Variants in DENND11 observed in about 807,000 individuals in gnomAD.
The protein encoded by DENND11 is DENN domain-containing protein 11.
In DENND11, 34 loss-of-function variants were observed where a neutral mutation model predicts 49.2. That is an observed-to-expected ratio of 0.69 (90% CI 0.53 to 0.92). The LOEUF (loss-of-function observed/expected upper bound fraction) is 0.92, where lower values mean the gene tolerates loss of function less well. Ranked by LOEUF, DENND11 falls within the 40% of genes least tolerant of loss-of-function variation. The pLI is 0.00. For synonymous variants in DENND11, 238 were observed against 230.3 expected (o/e 1.03, Z -0.30); for missense variants, 475 against 581.6 (o/e 0.82, Z 1.88).
chr7:141,677,400 A>T (rs1332556486), intron 3 of DENND11, among the ~76,000 whole-genome samples: 18 of 75,168 alleles, frequency 2.4e-4, no homozygotes, highest in Admixed American at 5.4e-4. Context: ...CAAAAAAAAA[A>T]AAATATATAT....
intron 3 of DENND11, among the ~76,000 whole-genome samples, chr7:141,677,071 G>C (rs572735373): frequency 6.6e-6 from 1 of 152,250 alleles, no homozygotes; most frequent in East Asian, 1.9e-4. Flanking sequence ...ATTCATCCAC[G>C]ATCAGAATCA....
At position 141,665,330 on chromosome 7, in the gene DENND11, G is replaced by A. The variant is rs192616706; in HGVS notation, c.821-12C>T. On this transcript the variant is annotated splice_polypyrimidine_tract_variant and intron_variant, in intron 5 of 8. Transcript: ENST00000536163. ...GCAGCAGCAGTACACTGTGGGGATA[G>A]AGGAGGTGAGCGGGGAGGGTCTGCC... 7.4e-5 allele frequency: 120 copies of A among 1,613,700 alleles called. No individual in the cohort carries two copies. The highest frequency in any genetic ancestry group is 2.2e-4 in the Admixed American group (13 of 60,002).
intron 1 of DENND11, among the ~76,000 whole-genome samples, chr7:141,692,189 T>C (rs1798337171): frequency 6.6e-6 from 1 of 152,192 alleles, no homozygotes; most frequent in Admixed American, 6.5e-5. Flanking sequence ...TGAGAGCAAT[T>C]TGAGCACAGG....
intron 1 of DENND11, among the ~76,000 whole-genome samples, chr7:141,700,575 C>G (rs1024678259): frequency 6.6e-6 from 1 of 151,690 alleles, no homozygotes; most frequent in South Asian, 2.1e-4. Context: ...AAGTACTGTA[C>G]GTGTATGTGA....
chr7:141,663,105 AT>A, intron 8 of DENND11: 2 of 367,256 alleles, frequency 5.4e-6, no homozygotes, highest in Non-Finnish European at 4.8e-6. Context: ...GTCAAAATCC[AT>A]TTTCCTGTTG....
intron 4 of DENND11, among the ~76,000 whole-genome samples, chr7:141,667,605 G>A (rs1797914683): frequency 6.6e-6 from 1 of 152,128 alleles, no homozygotes; most frequent in Non-Finnish European, 1.5e-5. Context: ...CCAGAAGAAA[G>A]AGCTCATCAC....
intron 1 of DENND11, among the ~76,000 whole-genome samples, chr7:141,700,256 C>T (rs1024563806): frequency 2.6e-5 from 4 of 152,072 alleles, no homozygotes; most frequent in East Asian, 3.9e-4. Context: ...AGCTGTTTAC[C>T]TGTAAATGAT....
In DENND11 at chr7:141,686,653, T is replaced by C. The variant is rs766610024; in HGVS notation, c.274A>G (p.Met92Val). The change falls in exon 2 of 9, where the codon ATG (methionine) becomes GTG (valine). Residue 92 changes from methionine to valine, a missense_variant. By Grantham distance (21) the Met-to-Val change is conservative. Coordinates refer to ENST00000536163, the MANE Select transcript of DENND11 (RefSeq NM_001080392.2). ...TCTTGAGGTAAGCACCATTCTACCA[T>C]GTTTCCTGCAGGAAAAGGAAGATGC... is the stretch of plus-strand genomic sequence containing the variant. ...VVTFDPRSGN[M>V]VEWCLPQDID... 1.9e-6 allele frequency: 3 copies of C among 1,610,158 alleles called. No individual in the cohort carries two copies. The highest frequency in any genetic ancestry group is 2.2e-5 in the South Asian group (2 of 90,362).
chr7:141,691,926 T>C (rs1798333133), intron 1 of DENND11, among the ~76,000 whole-genome samples: 1 of 152,216 alleles, frequency 6.6e-6, no homozygotes, highest in African/African-American at 2.4e-5. Flanking sequence ...AACAGATTTA[T>C]TAAGGGCACG....
intron 1 of DENND11, 107 bp downstream of exon 1, chr7:141,701,779 C>CG: frequency 1.1e-6 from 1 of 943,272 alleles, no homozygotes; most frequent in East Asian, 5.0e-5. Flanking sequence ...GTGCGGGGTG[C>CG]GGGGCCGGGA....
At position 141,665,044 on chromosome 7, in the gene DENND11, C is replaced by T. The variant is rs750883323; in HGVS notation, c.963G>A (p.Glu321=). ...VEVSYVACTT[E]KIFEEKRELY... Reference sequence around the variant, plus strand: ...GCTCCCGCTTCTCCTCGAATATCTTCTCTGTGGTGCCTGTGGAACCCGGGG... The same window carrying T: ...GCTCCCGCTTCTCCTCGAATATCTTTTCTGTGGTGCCTGTGGAACCCGGGG... The change falls in exon 7 of 9, where the codon GAG becomes GAA. Residue 321 remains glutamate (E), a synonymous_variant. Transcript: ENST00000536163. 6.2e-7 allele frequency: 1 copy of T among 1,613,814 alleles called. No homozygotes were observed. The highest frequency in any genetic ancestry group is 8.5e-7 in the Non-Finnish European group (1 of 1,179,722).
intron 3 of DENND11, among the ~76,000 whole-genome samples, chr7:141,677,420 TATAC>T (rs141228113): frequency 0.083 from 11,525 of 138,468 alleles, 865 homozygotes; most frequent in East Asian, 0.29. Flanking sequence ...TATATATATA[TATAC>T]ACATATATAT....
At chr7:141,697,632 T>C (rs1446232774) in intron 1 of DENND11, among the ~76,000 whole-genome samples, 1 of 152,160 alleles carries the variant, frequency 6.6e-6, no homozygotes, top group Non-Finnish European at 1.5e-5. Flanking sequence ...TTCCCACCCA[T>C]TGCTAGAGCC....
Position 141,662,472 on chromosome 7 carries a change from G to A in DENND11, c.*184C>T, listed in dbSNP as rs1234453616. 3 of 452,890 alleles carry A rather than the reference G, an allele frequency of 6.6e-6. No homozygotes were observed. Among genetic ancestry groups the A allele is most frequent in the African/African-American group, 4.0e-5 (2 of 49,396 alleles). 28.1% of individuals were successfully genotyped at this position (452,890 alleles called of 1,614,324 possible). Reference sequence around the variant, plus strand: ...TAACATGGCAGGACACAAAACCAAGGTGATCTCACCTTATCTCTAGGGAAA... The same window carrying A: ...TAACATGGCAGGACACAAAACCAAGATGATCTCACCTTATCTCTAGGGAAA... On this transcript the variant is annotated 3_prime_UTR_variant, in exon 9 of 9. Transcript: ENST00000536163.
intron 1 of DENND11, among the ~76,000 whole-genome samples, chr7:141,699,506 C>T (rs752725714): frequency 1.3e-5 from 2 of 152,130 alleles, no homozygotes; most frequent in Non-Finnish European, 2.9e-5. Flanking sequence ...ACAAAAGAGA[C>T]AAACACATTT....
At chr7:141,691,383 CTTG>C (rs1798325256) in intron 1 of DENND11, among the ~76,000 whole-genome samples, 1 of 152,210 alleles carries the variant, frequency 6.6e-6, no homozygotes, top group South Asian at 2.1e-4. Context: ...AGACTCCTAT[CTTG>C]ATTATGCCAC....
At position 141,701,961 on chromosome 7, in the gene DENND11, C is replaced by T. The variant is rs1483655668; in HGVS notation, c.193G>A (p.Gly65Arg). The change falls in exon 1 of 9, where the codon GGG (glycine) becomes AGG (arginine). Residue 65 changes from glycine to arginine, a missense_variant. Transcript: ENST00000536163. ...TCCACGTCGCCCAGCTCCAGGCGCC[C>T]GGGCTGCAGCAGCACCTCCGGGGCG... ...PAAPEVLLQP[G>R]RLELGDVEED... is the part of the protein sequence containing the mutation. 1 of 1,180,736 alleles carries T rather than the reference C, an allele frequency of 8.5e-7. No individual in the cohort carries two copies. The allele number at this position is 1,180,736 out of a possible 1,614,324, so 73.1% of individuals were successfully genotyped here.
At position 141,660,840 on chromosome 7, in the gene DENND11, GATTT is replaced by G. The variant is rs1254095271; in HGVS notation, c.*1812_*1815del. 1 of 152,588 alleles carries G rather than the reference GATTT, an allele frequency of 6.6e-6. No individual in the cohort carries two copies. The highest frequency in any genetic ancestry group is 2.4e-5 in the African/African-American group (1 of 41,422). The allele number at this position is 152,588 out of a possible 1,614,324, so 9.5% of individuals were successfully genotyped here. On this transcript the variant is annotated 3_prime_UTR_variant, in exon 9 of 9. Transcript: ENST00000536163. Reference sequence around the variant, plus strand: ...GGTGAGGCTTCAACCTCGAAACACAGATTTTTTTTTCTTTTGTAAACATACACAT... The same window carrying G: ...GGTGAGGCTTCAACCTCGAAACACAGTTTTTTCTTTTGTAAACATACACAT...
rs565044909 is a variant in DENND11, at chr7:141,661,634, G to C, written c.*1022C>G. 6.6e-6 allele frequency: 1 copy of C among 152,324 alleles called. No homozygotes were observed. The highest frequency in any genetic ancestry group is 1.9e-4 in the East Asian group (1 of 5,184). The allele number at this position is 152,324 out of a possible 1,614,324, so 9.4% of individuals were successfully genotyped here. A position where few individuals can be genotyped will look rare whatever the true frequency, so the allele number is the denominator to read the frequency against. Reference sequence around the variant, plus strand: ...GTTAGCATCATGCTCCACCCTCTGAGTTAACCAGCTCAGATCCTTGCTAGA... The same window carrying C: ...GTTAGCATCATGCTCCACCCTCTGACTTAACCAGCTCAGATCCTTGCTAGA... On this transcript the variant is annotated 3_prime_UTR_variant, in exon 9 of 9. Coordinates refer to ENST00000536163, the MANE Select transcript of DENND11 (RefSeq NM_001080392.2).
Sources: gnomAD v4.1 joint callset for allele counts (sites outside exome capture counted in the v4.1 genomes callset) on GRCh38, gnomAD v4.1.1 for gene constraint, MANE v1.5 for transcripts, NCBI Gene and HGNC (gene_info 2026-07-23, HGNC 2026-07-21) for gene names.